GRID2: variants seen among roughly 807,000 people sequenced by gnomAD.
The protein encoded by GRID2 is glutamate ionotropic receptor delta type subunit 2, also known as glutamate receptor ionotropic, delta-2.
Under a neutral mutation model 114.8 loss-of-function variants are expected in GRID2, and 33 were observed. That is an observed-to-expected ratio of 0.29 (90% confidence interval 0.22 to 0.38). The LOEUF (loss-of-function observed/expected upper bound fraction) is 0.38. Ranked by LOEUF, GRID2 falls within the 10% of genes least tolerant of loss-of-function variation. GRID2 has a pLI of 1.00. For synonymous variants in GRID2, 505 were observed against 449.9 expected (o/e 1.12, Z -1.55); for missense variants, 1,184 against 1,257.7 (o/e 0.94, Z 0.89).
intron 2 of GRID2, among the ~76,000 whole-genome samples, chr4:92,718,624 A>G (rs146879995): frequency 4.3e-4 from 66 of 151,982 alleles, no homozygotes; most frequent in African/African-American, 1.3e-3. Flanking sequence ...ACAGCTAGAC[A>G]TGATGTTGCA....
At chr4:92,347,992 A>G (rs1727862793) in intron 1 of GRID2, among the ~76,000 whole-genome samples, 1 of 152,312 alleles carries the variant, frequency 6.6e-6, no homozygotes, top group South Asian at 2.1e-4. Flanking sequence ...TATTTGCCCT[A>G]TTGCCAAGGC....
intron 4 of GRID2, among the ~76,000 whole-genome samples, chr4:93,114,151 T>C (rs1733024205): frequency 6.6e-6 from 1 of 152,050 alleles, no homozygotes; most frequent in African/African-American, 2.4e-5. Flanking sequence ...AAAAAGAATA[T>C]TGATGAGCTA....
chr4:93,804,046 G>A lies in GRID2; in HGVS notation c.222-2669G>A, dbSNP rs184915098. On this transcript the variant is annotated intron_variant, in intron 1 of 1. Transcript: ENST00000637838. The stretch of plus-strand genomic sequence containing the variant: ...ATTCATGTGACCCTCAGAATCCCAA[G>A]GGTCCTTCACTTTGCAGGTTTTACA... 1.5e-3 allele frequency among the ~76,000 whole-genome samples: 229 copies of A among 152,272 alleles called. 1 individual carries two copies. Among genetic ancestry groups the A allele is most frequent in the African/African-American group, 5.1e-3 (213 of 41,552 alleles).
intron 8 of GRID2, among the ~76,000 whole-genome samples, chr4:93,355,868 GTATGATCC>G (rs1361608088): frequency 5.9e-5 from 9 of 152,124 alleles, no homozygotes; most frequent in Admixed American, 4.6e-4. Flanking sequence ...ATGCAAGAAA[GTATGATCC>G]TACTACAGAT....
chr4:92,636,425 T>C (rs1409983625), intron 2 of GRID2, among the ~76,000 whole-genome samples: 1 of 152,050 alleles, frequency 6.6e-6, no homozygotes, highest in African/African-American at 2.4e-5. Flanking sequence ...ACTGAGTACA[T>C]ATGCTTTTTG....
At chr4:93,526,761 A>G (rs1444637294) in intron 13 of GRID2, among the ~76,000 whole-genome samples, 1 of 152,222 alleles carries the variant, frequency 6.6e-6, no homozygotes. Flanking sequence ...GTGAGCTGAG[A>G]TTGCGCCATT....
At chr4:93,449,532 ATAGCATTAGC>A (rs1722480014) in intron 10 of GRID2, among the ~76,000 whole-genome samples, 1 of 152,114 alleles carries the variant, frequency 6.6e-6, no homozygotes, top group Admixed American at 6.6e-5. Flanking sequence ...CATGTTTTTG[ATAGCATTAGC>A]TATTCAGGAT....
At chr4:93,499,314 C>A (rs1727870860) in intron 12 of GRID2, among the ~76,000 whole-genome samples, 1 of 151,894 alleles carries the variant, frequency 6.6e-6, no homozygotes. Flanking sequence ...AGAGTTTATC[C>A]ACTGGAGTGT....
chr4:92,415,740 G>GTGTATATA (rs1459039400), intron 1 of GRID2, among the ~76,000 whole-genome samples: 48 of 82,202 alleles, frequency 5.8e-4, no homozygotes, highest in Non-Finnish European at 7.4e-4. Flanking sequence ...GTGTATGTGT[G>GTGTATATA]TATATATATA....
intron 1 of GRID2, among the ~76,000 whole-genome samples, chr4:92,384,214 G>A (rs1213939365): frequency 1.3e-5 from 2 of 150,258 alleles, no homozygotes; most frequent in Non-Finnish European, 3.0e-5. Flanking sequence ...AGGACTTTTG[G>A]TGATTTTTGT....
At chr4:93,100,208 G>T (rs1033034599) in intron 3 of GRID2, among the ~76,000 whole-genome samples, 2 of 151,866 alleles carry the variant, frequency 1.3e-5, no homozygotes, top group African/African-American at 4.8e-5. Flanking sequence ...CAGCATCAAT[G>T]TAAAGATGCC....
intron 1 of GRID2, among the ~76,000 whole-genome samples, chr4:92,405,737 A>G (rs1002481746): frequency 1.2e-4 from 18 of 152,018 alleles, no homozygotes; most frequent in African/African-American, 4.3e-4. Context: ...AAATCAGCTT[A>G]TACAACTATT....
chr4:92,631,670 C>A (rs1280562451), intron 2 of GRID2, among the ~76,000 whole-genome samples: 1 of 151,994 alleles, frequency 6.6e-6, no homozygotes, highest in East Asian at 1.9e-4. Context: ...TGCAGCTGAA[C>A]AAAACATGTT....
chr4:93,116,278 T>A (rs761871212), intron 4 of GRID2, among the ~76,000 whole-genome samples: 33 of 152,190 alleles, frequency 2.2e-4, no homozygotes, highest in South Asian at 4.1e-4. Flanking sequence ...ACAGATTTAC[T>A]TTTATATTGA....
chr4:93,480,796 C>T (rs1174314577), intron 11 of GRID2, among the ~76,000 whole-genome samples: 1 of 151,956 alleles, frequency 6.6e-6, no homozygotes, highest in African/African-American at 2.4e-5. Flanking sequence ...TGTTCTGCCC[C>T]CTTCCATGCA....
At chr4:92,720,689 T>C (rs968602418) in intron 2 of GRID2, among the ~76,000 whole-genome samples, 1 of 152,090 alleles carries the variant, frequency 6.6e-6, no homozygotes, top group Non-Finnish European at 1.5e-5. Flanking sequence ...AATATCTCTT[T>C]ATAATAACCT....
At chr4:93,571,255 G>A (rs761912548) in intron 13 of GRID2, among the ~76,000 whole-genome samples, 1 of 151,952 alleles carries the variant, frequency 6.6e-6, no homozygotes, top group Non-Finnish European at 1.5e-5. Flanking sequence ...TTCTTTCTCT[G>A]TTTCATCTTG....
At chr4:92,573,900 G>A (rs1201110172) in intron 1 of GRID2, among the ~76,000 whole-genome samples, 2 of 152,200 alleles carry the variant, frequency 1.3e-5, no homozygotes, top group East Asian at 3.9e-4. Flanking sequence ...AGTATTTTCA[G>A]TGGGGTGTGA....
chr4:93,356,700 G>A (rs1428725648), intron 8 of GRID2, among the ~76,000 whole-genome samples: 1 of 151,624 alleles, frequency 6.6e-6, no homozygotes, highest in Non-Finnish European at 1.5e-5. Flanking sequence ...AACATAACGT[G>A]TAAACAAAAA....
Sources: allele counts gnomAD v4.1 joint callset (sites outside exome capture counted in the v4.1 genomes callset), GRCh38; gene constraint gnomAD v4.1.1; transcripts MANE v1.5; gene names NCBI Gene and HGNC (gene_info 2026-07-23, HGNC 2026-07-21).